The following MAP3K4 variants were observed in gnomAD, a reference collection of about 807,000 sequenced individuals.
MAP3K4 encodes MAP three kinase 1.
A neutral mutation model predicts 185.6 loss-of-function variants in MAP3K4; 67 were observed. The observed-to-expected ratio is 0.36, with a 90% CI of 0.30 to 0.44. The LOEUF is 0.44. Among genes scored for constraint, MAP3K4 ranks in the 20% least tolerant of loss-of-function variants. The probability of loss-of-function intolerance (pLI) is 1.00; values close to 1 mark genes in which losing one functional copy is unlikely to be tolerated. For synonymous variants in MAP3K4, 702 were observed against 710.4 expected, an observed-to-expected ratio of 0.99 and a Z score of 0.19; for missense variants, 1,551 against 1,995.1, an observed-to-expected ratio of 0.78 and a Z score of 4.24.
intron 5 of MAP3K4, among the ~76,000 whole-genome samples, chr6:161,079,691 G>C (rs1368846357): frequency 2.6e-5 from 4 of 152,104 alleles, no homozygotes; most frequent in Non-Finnish European, 4.4e-5. Context: ...GAAGTGAAAG[G>C]GCGGTTCTGA....
Position 161,110,424 on chromosome 6 carries a change from T to G in MAP3K4, c.4396+510T>G, listed in dbSNP as rs1778296718. 6.6e-6 allele frequency among the ~76,000 whole-genome samples: 1 copy of G among 152,256 alleles called. No individual in the cohort carries two copies. Among genetic ancestry groups the G allele is most frequent in the South Asian group, 2.1e-4 (1 of 4,824 alleles). On this transcript the variant is annotated intron_variant, in intron 23 of 26. Coordinates refer to ENST00000392142, the MANE Select transcript of MAP3K4 (RefSeq NM_005922.4). The surrounding 1 kb of genome is among the most constrained non-coding windows in gnomAD (Gnocchi z 4.8). Reference sequence around the variant, plus strand: ...TTTGGCCATGCTGATGGATTAAAAGTGCTCTTCTCATAGCACGAGGGGAAT... The same window carrying G: ...TTTGGCCATGCTGATGGATTAAAAGGGCTCTTCTCATAGCACGAGGGGAAT...
intron 1 of MAP3K4, among the ~76,000 whole-genome samples, chr6:161,033,431 C>T (rs1232759727): frequency 6.6e-6 from 1 of 152,014 alleles, no homozygotes; most frequent in East Asian, 1.9e-4. Context: ...GAGAAGTTGG[C>T]CAGGGATAGA....
At position 161,053,575 on chromosome 6, in the gene MAP3K4, G is replaced by C. The variant is rs574811077; in HGVS notation, c.1707+3596G>C. 6.6e-6 allele frequency among the ~76,000 whole-genome samples: 1 copy of C among 152,234 alleles called. No homozygotes were observed. The highest frequency in any genetic ancestry group is 1.9e-4 in the East Asian group (1 of 5,186). On this transcript the variant is annotated intron_variant, in intron 3 of 26. Transcript: ENST00000392142. This position sits in a 1 kb window ranked among gnomAD's most constrained non-coding sequence, Gnocchi z 4.2. ...ACATTTTAGGCAGTAAAACCTTTTA[G>C]GTTTGAGGACTTTTTTGTTTGTTTG...
At position 161,101,942 on chromosome 6, in the gene MAP3K4, T is replaced by C; in HGVS notation, c.3725T>C (p.Leu1242Ser). 1 of 1,614,180 alleles carries C rather than the reference T, an allele frequency of 6.2e-7. No homozygotes were observed. Among genetic ancestry groups the C allele is most frequent in the Non-Finnish European group, 8.5e-7 (1 of 1,180,010 alleles). Residue 1242 changes from leucine (L) to serine (S), a missense_variant, in exon 18 of 27, where the codon TTG (leucine) becomes TCG (serine). Around this residue, in one of 16 missense-constraint regions of MAP3K4, gnomAD observed 272 missense variants for 301.2 expected, o/e 0.90. Transcript: ENST00000392142. The surrounding 1 kb of genome is among the most constrained non-coding windows in gnomAD (Gnocchi z 5.1). The part of the protein sequence containing the change: ...NDRLASIAAE[L>S]QFRSLSRHSS... ...CGATTGGCTTCCATAGCTGCTGAAT[T>C]GCAGTTTAGGTCCCTGAGTCGTCAC... is the stretch of plus-strand genomic sequence containing the variant.
rs201877864 is a variant in MAP3K4, at chr6:161,048,649, A to C, written c.377A>C (p.Lys126Thr). 213 of 1,610,986 alleles carry C rather than the reference A, an allele frequency of 1.3e-4. No homozygotes were observed. Among genetic ancestry groups the C allele is most frequent in the Non-Finnish European group, 9.1e-5 (107 of 1,179,006 alleles). Reference sequence around the variant, plus strand: ...AATGCACCAAATCAGCCTCCACATAAAGACACTGGAAAAACAGTGGAGAAT... The same window carrying C: ...AATGCACCAAATCAGCCTCCACATACAGACACTGGAAAAACAGTGGAGAAT... Reference protein sequence around the residue: ...KMNAPNQPPHKDTGKTVENVE... With the variant: ...KMNAPNQPPHTDTGKTVENVE... Residue 126 changes from lysine (K) to threonine (T), a missense_variant, in exon 3 of 27, where the codon AAA (lysine) becomes ACA (threonine). By Grantham distance (78) the Lys-to-Thr change is moderately conservative. Around this residue, in one of 16 missense-constraint regions of MAP3K4, gnomAD observed 287 missense variants for 268.8 expected, o/e 1.07. Transcript: ENST00000392142. The surrounding 1 kb of genome is among the most constrained non-coding windows in gnomAD (Gnocchi z 4.7).
chr6:161,059,732 G>T (rs181904956), intron 3 of MAP3K4, among the ~76,000 whole-genome samples: 1 of 152,138 alleles, frequency 6.6e-6, no homozygotes, highest in Admixed American at 6.5e-5. Flanking sequence ...TTTGTACTCA[G>T]AGATTATTTT....
Position 161,102,052 on chromosome 6 carries a change from C to T in MAP3K4, c.3775+60C>T. 2.2e-6 allele frequency: 3 copies of T among 1,388,962 alleles called. No individual in the cohort carries two copies. In the East Asian group the frequency reaches 6.9e-5, roughly 32 times the overall value. The allele number at this position is 1,388,962 out of a possible 1,614,324, so 86.0% of individuals were successfully genotyped here. A position where few individuals can be genotyped will look rare whatever the true frequency, so the allele number is the denominator to read the frequency against. On this transcript the variant is annotated intron_variant, in intron 18 of 26. Transcript: ENST00000392142. Reference sequence around the variant, plus strand: ...CAGTCTAATCATTTGTCTCAGTTCACCAGTTTCTGTTGTTAATGCCTTTAT... The same window carrying T: ...CAGTCTAATCATTTGTCTCAGTTCATCAGTTTCTGTTGTTAATGCCTTTAT...
intron 11 of MAP3K4, among the ~76,000 whole-genome samples, chr6:161,090,688 C>T (rs1336400071): frequency 5.9e-5 from 3 of 51,238 alleles, no homozygotes; most frequent in African/African-American, 1.4e-4. Context: ...CGTTTGGGCC[C>T]GTAATTCTTG....
At chr6:161,021,387 C>G (rs1370288692) in intron 1 of MAP3K4, among the ~76,000 whole-genome samples, 2 of 152,192 alleles carry the variant, frequency 1.3e-5, no homozygotes, top group African/African-American at 4.8e-5. Context: ...TCATGGGCTC[C>G]TTTCACTCTC....
At chr6:161,062,969 CTT>C (rs1250658182) in intron 3 of MAP3K4, among the ~76,000 whole-genome samples, 4 of 151,974 alleles carry the variant, frequency 2.6e-5, no homozygotes, top group Non-Finnish European at 4.4e-5. Flanking sequence ...GGGAACTGCT[CTT>C]TATATATTTT....
intron 7 of MAP3K4, among the ~76,000 whole-genome samples, chr6:161,085,919 G>C (rs528899128): frequency 1.3e-5 from 2 of 152,252 alleles, no homozygotes; most frequent in South Asian, 4.2e-4. Flanking sequence ...ACATCATACT[G>C]CTGCCTTGAA....
At chr6:161,035,970 G>C (rs1783146170) in intron 2 of MAP3K4, among the ~76,000 whole-genome samples, 1 of 152,172 alleles carries the variant, frequency 6.6e-6, no homozygotes, top group Non-Finnish European at 1.5e-5. Flanking sequence ...AGGACTATTT[G>C]TACCACTAGT....
chr6:160,996,733 ACTGTG>A lies in MAP3K4; in HGVS notation c.152+4653_152+4657del, dbSNP rs1487266788. On this transcript the variant is annotated intron_variant, in intron 1 of 26. Transcript: ENST00000392142. This position sits in a 1 kb window ranked among gnomAD's most constrained non-coding sequence, Gnocchi z 4.5. ...CACGATAATCAAGGCCCAGACACTC[ACTGTG>A]CTTGGCTTCTCAGGCACAGATACTC... is the stretch of plus-strand genomic sequence containing the variant. Among the ~76,000 whole-genome samples the A allele has an allele frequency of 2.6e-5, 4 of 152,142 alleles. No individual in the cohort carries two copies. The highest frequency in any genetic ancestry group is 9.7e-5 in the African/African-American group (4 of 41,412).
In MAP3K4 at chr6:161,034,183, T is replaced by C; in HGVS notation, c.153-76T>C. ...TGTACAAAAGTTTTACAAAGAATTATTTAAAAAATTATAAGTAAATTTGAA... is the reference window on the plus strand; with the variant it reads ...TGTACAAAAGTTTTACAAAGAATTACTTAAAAAATTATAAGTAAATTTGAA... On this transcript the variant is annotated intron_variant, in intron 1 of 26. Transcript: ENST00000392142. This position sits in a 1 kb window ranked among gnomAD's most constrained non-coding sequence, Gnocchi z 4.4. The C allele has an allele frequency of 1.7e-6, 2 of 1,185,266 alleles. No individual in the cohort carries two copies. Among genetic ancestry groups the C allele is most frequent in the South Asian group, 1.7e-5 (1 of 58,190 alleles). The allele number at this position is 1,185,266 out of a possible 1,614,324, so 73.4% of individuals were successfully genotyped here. A position where few individuals can be genotyped will look rare whatever the true frequency, so the allele number is the denominator to read the frequency against.
rs1290190817 is a variant in MAP3K4, at chr6:161,089,529, G to A, written c.2973+58G>A. On this transcript the variant is annotated intron_variant, in intron 11 of 26. Transcript: ENST00000392142. ...TTTCCTTTTTGATGAAAGTCAGTGT[G>A]TGGTAATGTGTGTAAGGTAATATCA... 1.9e-6 allele frequency: 3 copies of A among 1,585,052 alleles called. No individual in the cohort carries two copies. The African/African-American group carries it at 4.0e-5, about 21-fold the overall frequency.
rs1778157504 is a variant in MAP3K4, at chr6:161,107,851, C to T, written c.4049-48C>T. 7.7e-7 allele frequency: 1 copy of T among 1,299,614 alleles called. No individual in the cohort carries two copies. The highest frequency in any genetic ancestry group is 1.5e-5 in the African/African-American group (1 of 68,524). The allele number at this position is 1,299,614 out of a possible 1,614,324, so 80.5% of individuals were successfully genotyped here. A position where few individuals can be genotyped will look rare whatever the true frequency, so the allele number is the denominator to read the frequency against. On this transcript the variant is annotated intron_variant, in intron 20 of 26. Coordinates refer to ENST00000392142, the MANE Select transcript of MAP3K4 (RefSeq NM_005922.4). The surrounding 1 kb of genome is among the most constrained non-coding windows in gnomAD (Gnocchi z 6.2). ...TATTACAAGTTTAAGGAATGTAAGACAGCCCCCTGCAGTGGCTGGAAGTGC... is the reference window on the plus strand; with the variant it reads ...TATTACAAGTTTAAGGAATGTAAGATAGCCCCCTGCAGTGGCTGGAAGTGC...
chr6:161,056,010 C>T lies in MAP3K4; in HGVS notation c.1707+6031C>T, dbSNP rs545724959. Among the ~76,000 whole-genome samples the T allele has an allele frequency of 2.0e-5, 3 of 152,304 alleles. No individual in the cohort carries two copies. The South Asian group carries it at 6.2e-4, about 32-fold the overall frequency. ...TTGGCCATTTATATCAGTATGGACT[C>T]ATAAATGTTTGCTGTTGTTTTTACT... is the stretch of plus-strand genomic sequence containing the variant. On this transcript the variant is annotated intron_variant, in intron 3 of 26. Coordinates refer to ENST00000392142, the MANE Select transcript of MAP3K4 (RefSeq NM_005922.4). The surrounding 1 kb of genome is among the most constrained non-coding windows in gnomAD (Gnocchi z 5.4).
In MAP3K4 at chr6:161,114,563, G is replaced by A. The variant is rs1357721327; in HGVS notation, c.4627-560G>A. Among the ~76,000 whole-genome samples, 2 of 152,152 alleles carry A rather than the reference G, an allele frequency of 1.3e-5. No individual in the cohort carries two copies. Among genetic ancestry groups the A allele is most frequent in the African/African-American group, 4.8e-5 (2 of 41,428 alleles). ...ACATAAAAGAACAGGTTCTCATATTGAAGAATACATATTGGCAATGACGAA... is the reference window on the plus strand; with the variant it reads ...ACATAAAAGAACAGGTTCTCATATTAAAGAATACATATTGGCAATGACGAA... On this transcript the variant is annotated intron_variant, in intron 25 of 26. Transcript: ENST00000392142. The surrounding 1 kb of genome is among the most constrained non-coding windows in gnomAD (Gnocchi z 4.3).
chr6:161,052,553 A>G (rs1784052195), intron 3 of MAP3K4, among the ~76,000 whole-genome samples: 1 of 152,218 alleles, frequency 6.6e-6, no homozygotes, highest in Admixed American at 6.5e-5. Context: ...ATAAGATGCT[A>G]AGTGTTCATC....
Sources: gnomAD v4.1 joint callset for allele counts (sites outside exome capture counted in the v4.1 genomes callset) on GRCh38, gnomAD v4.1.1 for gene constraint, gnomAD v4.1.1 regional missense constraint, Gnocchi (gnomAD v3.1) non-coding constraint, MANE v1.5 for transcripts, NCBI Gene and HGNC (gene_info 2026-07-23, HGNC 2026-07-21) for gene names.